THSD7B: variants seen among roughly 807,000 people sequenced by gnomAD.
THSD7B encodes the protein thrombospondin type-1 domain-containing protein 7B.
Under a neutral mutation model 213.6 loss-of-function variants are expected in THSD7B, and 138 were observed. The ratio of observed to expected loss-of-function variants is 0.65; its 90% CI spans 0.56 to 0.74. The LOEUF is 0.74. Among genes scored for constraint, THSD7B ranks in the 30% least tolerant of loss-of-function variants. The probability of loss-of-function intolerance (pLI) is 0.00; values close to 1 mark genes in which losing one functional copy is unlikely to be tolerated. For missense variants in THSD7B, 1,931 were observed against 1,991.5 expected (o/e 0.97, Z 0.58); for synonymous variants, 742 against 687.0 (o/e 1.08, Z -1.25).
In THSD7B at chr2:137,084,962, G is replaced by A. The variant is rs1371693266; in HGVS notation, c.951-9911G>A. ...GTCCTAAAAATTACCCCCTTACCTA[G>A]AGAAGATAGTGTTAGTATAAAAGAT... is the stretch of plus-strand genomic sequence containing the variant. On this transcript the variant is annotated intron_variant, in intron 3 of 27. Coordinates refer to ENST00000409968, the MANE Select transcript of THSD7B (RefSeq NM_001316349.2). Among the ~76,000 whole-genome samples, 8 of 152,230 alleles carry A rather than the reference G, an allele frequency of 5.3e-5. 1 individual carries two copies. Among genetic ancestry groups the A allele is most frequent in the South Asian group, 4.2e-4 (2 of 4,818 alleles).
intron 10 of THSD7B, among the ~76,000 whole-genome samples, chr2:137,254,387 A>G (rs1334908399): frequency 6.6e-6 from 1 of 152,232 alleles, no homozygotes; most frequent in Non-Finnish European, 1.5e-5. Context: ...ATGTGGTGAC[A>G]AGCTCTGTTG....
In THSD7B at chr2:137,655,554, C is replaced by G. The variant is rs1298491315; in HGVS notation, c.3999C>G (p.His1333Gln). ...VQIRSLSCMV[H>Q]SGSISHAAGR... is the part of the protein sequence containing the mutation. ...TCCGCAGCCTTTCCTGCATGGTCCA[C>G]AGTGGTTCAATATCTCATGCAGCTG... Residue 1333 changes from histidine (H) to glutamine (Q), a missense_variant, in exon 22 of 28, where the codon CAC becomes CAG. His to Gln is a conservative substitution (Grantham distance 24). Transcript: ENST00000409968. 6.2e-7 allele frequency: 1 copy of G among 1,612,592 alleles called. No individual in the cohort carries two copies. Among genetic ancestry groups the G allele is most frequent in the East Asian group, 2.2e-5 (1 of 44,866 alleles).
intron 15 of THSD7B, among the ~76,000 whole-genome samples, chr2:137,491,796 G>A (rs1278652236): frequency 6.6e-6 from 1 of 152,080 alleles, no homozygotes; most frequent in Non-Finnish European, 1.5e-5. Flanking sequence ...CATTTAAGAG[G>A]ACAAATTGGG....
intron 15 of THSD7B, among the ~76,000 whole-genome samples, chr2:137,457,027 T>C (rs1450885566): frequency 6.6e-6 from 1 of 152,162 alleles, no homozygotes; most frequent in Admixed American, 6.5e-5. Context: ...GGAGAGGCAA[T>C]TTTTCTTTTT....
chr2:136,992,382 T>C (rs896389370), intron 2 of THSD7B, among the ~76,000 whole-genome samples: 1 of 152,244 alleles, frequency 6.6e-6, no homozygotes, highest in Non-Finnish European at 1.5e-5. Context: ...TAATTGTCTC[T>C]TGGTAGCTCT....
chr2:137,305,840 A>G (rs937645526), intron 12 of THSD7B, among the ~76,000 whole-genome samples: 1 of 152,116 alleles, frequency 6.6e-6, no homozygotes, highest in African/African-American at 2.4e-5. Context: ...TCTAGATAGG[A>G]TAGCCTACTA....
chr2:137,419,202 C>T (rs1270070085), intron 14 of THSD7B, among the ~76,000 whole-genome samples: 6 of 151,470 alleles, frequency 4.0e-5, no homozygotes. Flanking sequence ...ACCACCATGC[C>T]CAGCTATACC....
chr2:137,193,934 G>A (rs1259890672), intron 7 of THSD7B, among the ~76,000 whole-genome samples: 2 of 151,298 alleles, frequency 1.3e-5, no homozygotes, highest in East Asian at 3.9e-4. Flanking sequence ...TGACATTAGA[G>A]GAGAGTCTGA....
chr2:137,671,771 C>G (rs34487838), intron 27 of THSD7B, among the ~76,000 whole-genome samples: 1 of 152,218 alleles, frequency 6.6e-6, no homozygotes, highest in East Asian at 1.9e-4. Flanking sequence ...AAAGCCTAAC[C>G]GTATCAGGCA....
At chr2:137,390,729 G>A (rs1686005035) in intron 12 of THSD7B, among the ~76,000 whole-genome samples, 1 of 152,130 alleles carries the variant, frequency 6.6e-6, no homozygotes, top group Non-Finnish European at 1.5e-5. Flanking sequence ...TGTGTTGAGA[G>A]TTTTTATTAT....
At chr2:137,289,707 T>C (rs1271779592) in intron 12 of THSD7B, among the ~76,000 whole-genome samples, 1 of 151,850 alleles carries the variant, frequency 6.6e-6, no homozygotes, top group East Asian at 1.9e-4. Context: ...TTACAAAATA[T>C]TTGCCAAAGA....
At chr2:136,987,418 G>A (rs1160688070) in intron 2 of THSD7B, among the ~76,000 whole-genome samples, 1 of 152,148 alleles carries the variant, frequency 6.6e-6, no homozygotes, top group Non-Finnish European at 1.5e-5. Flanking sequence ...TGAATAAAAA[G>A]TTAGCTGTAA....
rs13401640 is a variant in THSD7B, at chr2:137,426,334, C to G, written c.2959+14462C>G. ...ACAAAAATAGAAAAAAAAAATCCTA[C>G]AATTCATATGGAACCACAAAAGACC... is the stretch of plus-strand genomic sequence containing the variant. On this transcript the variant is annotated intron_variant, in intron 14 of 27. Transcript: ENST00000409968. Among the ~76,000 whole-genome samples, 667 of 152,060 alleles carry G rather than the reference C, an allele frequency of 4.4e-3. 9 individuals carry two copies. The highest frequency in any genetic ancestry group is 0.015 in the African/African-American group (632 of 41,504).
intron 5 of THSD7B, among the ~76,000 whole-genome samples, chr2:137,150,682 A>G (rs1679800122): frequency 6.6e-6 from 1 of 152,138 alleles, no homozygotes; most frequent in Non-Finnish European, 1.5e-5. Flanking sequence ...ATGGGAATGG[A>G]CTAATACAGG....
At chr2:137,078,524 A>C (rs1004649511) in intron 3 of THSD7B, among the ~76,000 whole-genome samples, 1 of 151,984 alleles carries the variant, frequency 6.6e-6, no homozygotes, top group African/African-American at 2.4e-5. Flanking sequence ...TAAAATAGTA[A>C]TTTGCCTGTT....
chr2:137,032,872 T>A (rs1174514457), intron 2 of THSD7B, among the ~76,000 whole-genome samples: 1 of 152,242 alleles, frequency 6.6e-6, no homozygotes, highest in African/African-American at 2.4e-5. Flanking sequence ...TAAGATTATG[T>A]GCCATCCTTG....
At chr2:137,412,579 G>T (rs1329476595) in intron 14 of THSD7B, among the ~76,000 whole-genome samples, 1 of 102,580 alleles carries the variant, frequency 9.7e-6, no homozygotes, top group African/African-American at 3.6e-5. Context: ...CCTGGGCAAC[G>T]AGAGCAAAAC....
At position 137,057,176 on chromosome 2, in the gene THSD7B, A is replaced by G. The variant is rs1323700696; in HGVS notation, c.896A>G (p.Tyr299Cys). Reference sequence around the variant, plus strand: ...AAGTCTTGGGCAATAGAGATAGGTTATCAAACCCGGCAGGTTTCGTGTACA... The same window carrying G: ...AAGTCTTGGGCAATAGAGATAGGTTGTCAAACCCGGCAGGTTTCGTGTACA... ...HSKSWAIEIG[Y>C]QTRQVSCTRS... is the part of the protein sequence containing the mutation. Residue 299 changes from tyrosine to cysteine, a missense_variant, in exon 3 of 28, where the codon TAT (tyrosine) becomes TGT (cysteine). Tyr to Cys is a radical substitution (Grantham distance 194, BLOSUM62 -2). Coordinates refer to ENST00000409968, the MANE Select transcript of THSD7B (RefSeq NM_001316349.2). 6.2e-7 allele frequency: 1 copy of G among 1,613,982 alleles called. No homozygotes were observed. Among genetic ancestry groups the G allele is most frequent in the Non-Finnish European group, 8.5e-7 (1 of 1,179,870 alleles).
chr2:136,944,956 A>G (rs1684908050), intron 2 of THSD7B, among the ~76,000 whole-genome samples: 1 of 152,094 alleles, frequency 6.6e-6, no homozygotes, highest in African/African-American at 2.4e-5. Flanking sequence ...TATTTTGCTC[A>G]TTAGTTGATG....
Sources: gnomAD v4.1 joint callset for allele counts (sites outside exome capture counted in the v4.1 genomes callset) on GRCh38, gnomAD v4.1.1 for gene constraint, MANE v1.5 for transcripts, NCBI Gene and HGNC (gene_info 2026-07-23, HGNC 2026-07-21) for gene names.